DMD: variants seen among roughly 807,000 people sequenced by gnomAD.
The protein encoded by DMD is mutant dystrophin.
Under a neutral mutation model 330.1 loss-of-function variants are expected in DMD, and 63 were observed. That is an observed-to-expected ratio of 0.19 (90% CI 0.16 to 0.24). The LOEUF is 0.24. DMD is among the 10% of genes least tolerant of loss of function. The pLI is 1.00. For missense variants in DMD, 3,344 were observed against 2,684.1 expected, an observed-to-expected ratio of 1.25 and a Z score of -5.43; for synonymous variants, 1,223 against 959.8, an observed-to-expected ratio of 1.27 and a Z score of -5.07.
intron 63 of DMD, among the ~76,000 whole-genome samples, chrX:31,233,344 T>C (rs2047399950): frequency 8.9e-6 from 1 of 111,811 alleles, no homozygotes; most frequent in Non-Finnish European, 1.9e-5. Flanking sequence ...CTTAACAGTC[T>C]CTCTTCATAA....
intron 73 of DMD, 60 bp from the exon 74 acceptor site, chrX:31,169,661 G>C (rs1460544675): frequency 9.9e-7 from 1 of 1,013,613 alleles, no homozygotes; most frequent in Non-Finnish European, 1.4e-6. Context: ...TTGGGGGTTA[G>C]GGACTCAGGA....
intron 62 of DMD, among the ~76,000 whole-genome samples, chrX:31,294,415 C>T (rs764523208): frequency 1.8e-5 from 2 of 112,339 alleles, no homozygotes; most frequent in South Asian, 7.5e-4. Context: ...ATATCCTCTA[C>T]CCGAACATCC....
Position 33,283,539 on chromosome X carries a change from A to C in DMD, c.7+55720T>G, listed in dbSNP as rs753640768. 4.6e-5 allele frequency among the ~76,000 whole-genome samples: 5 copies of C among 109,616 alleles called. No homozygotes were observed. In the South Asian group the frequency reaches 1.2e-3, roughly 26 times the overall value. On this transcript the variant is annotated intron_variant, in intron 1 of 17. Coordinates refer to the DMD transcript ENST00000288447. ...AAATTTGGTCTCAAAGAAAAAAAAA[A>C]AAAAACATCAACTATACCAAGTGAT...
intron 61 of DMD, among the ~76,000 whole-genome samples, chrX:31,342,794 T>G (rs1042545372): frequency 8.0e-5 from 9 of 112,046 alleles, no homozygotes; most frequent in South Asian, 3.7e-4. Flanking sequence ...ATTCTTTTTT[T>G]GAGACAGAGT....
chrX:32,819,982 T>C (rs2078095106), intron 5 of DMD, among the ~76,000 whole-genome samples: 1 of 111,609 alleles, frequency 9.0e-6, no homozygotes, highest in Non-Finnish European at 1.9e-5. Flanking sequence ...ATGAGATAAG[T>C]AAGCAGAGGC....
chrX:31,844,395 T>G (rs2093374776), intron 48 of DMD, among the ~76,000 whole-genome samples: 1 of 110,250 alleles, frequency 9.1e-6, no homozygotes, highest in Non-Finnish European at 1.9e-5. Context: ...GGTCCAAGTT[T>G]CTGTTTTTGT....
chrX:32,453,020 C>A (rs2098340540), intron 26 of DMD, among the ~76,000 whole-genome samples: 1 of 110,986 alleles, frequency 9.0e-6, no homozygotes, highest in Non-Finnish European at 1.9e-5. Context: ...TCTCATATTA[C>A]ATACAATTCT....
At chrX:31,622,158 C>T (rs2078565275) in intron 55 of DMD, among the ~76,000 whole-genome samples, 1 of 111,677 alleles carries the variant, frequency 9.0e-6, no homozygotes, top group East Asian at 2.8e-4. Context: ...TACTGTAATT[C>T]TCATAATGCT....
chrX:32,999,787 C>A (rs78857645), intron 2 of DMD, among the ~76,000 whole-genome samples: 3,759 of 102,065 alleles, frequency 0.037, 130 homozygotes, highest in East Asian at 0.17. Flanking sequence ...AAAACAAAAA[C>A]AAAAACAAAA....
At chrX:31,277,461 TTGA>T in intron 62 of DMD, among the ~76,000 whole-genome samples, 1 of 112,093 alleles carries the variant, frequency 8.9e-6, no homozygotes, top group Non-Finnish European at 1.9e-5. Context: ...ATTTGGATTA[TTGA>T]TAAGGAGGAA....
intron 48 of DMD, among the ~76,000 whole-genome samples, chrX:31,873,248 T>G (rs976130728): frequency 8.9e-6 from 1 of 112,028 alleles, no homozygotes; most frequent in African/African-American, 3.2e-5. Context: ...TACTTGTGAC[T>G]TCCACAGTGC....
chrX:32,335,867 T>C (rs1182824708), intron 41 of DMD, among the ~76,000 whole-genome samples: 1 of 105,616 alleles, frequency 9.5e-6, no homozygotes, highest in Non-Finnish European at 1.9e-5. Flanking sequence ...TTCAACGTTA[T>C]ATGTGTATAA....
At chrX:32,275,145 G>A (rs980328867) in intron 43 of DMD, among the ~76,000 whole-genome samples, 6 of 111,773 alleles carry the variant, frequency 5.4e-5, no homozygotes, top group African/African-American at 2.0e-4. Context: ...CTTGAACAGA[G>A]CAGTGTGAAA....
chrX:32,812,943 A>G (rs1287165295), intron 6 of DMD, among the ~76,000 whole-genome samples: 2 of 111,577 alleles, frequency 1.8e-5, no homozygotes, highest in Admixed American at 9.5e-5. Flanking sequence ...CATAGGTGGG[A>G]ACATATGAGA....
At chrX:33,200,905 C>T (rs1165944204) in intron 1 of DMD, among the ~76,000 whole-genome samples, 4 of 100,186 alleles carry the variant, frequency 4.0e-5, no homozygotes, top group Non-Finnish European at 8.0e-5. Context: ...ACCATGGAAA[C>T]GCACATGATA....
At chrX:31,773,724 C>CTTTTTTTTTTTTTTTT (rs762551529) in intron 51 of DMD, among the ~76,000 whole-genome samples, 1 of 53,544 alleles carries the variant, frequency 1.9e-5, no homozygotes, top group Non-Finnish European at 3.4e-5. Flanking sequence ...AAGGTTTCTG[C>CTTTTTTTTTTTTTTTT]TTTTTTTTTT....
intron 4 of DMD, among the ~76,000 whole-genome samples, chrX:32,836,782 T>C (rs761092453): frequency 5.3e-5 from 6 of 112,435 alleles, no homozygotes; most frequent in Non-Finnish European, 1.1e-4. Context: ...TATTAGTTTC[T>C]ACTGTTATTA....
intron 1 of DMD, among the ~76,000 whole-genome samples, chrX:33,145,661 T>C (rs984993673): frequency 9.7e-6 from 1 of 103,036 alleles, no homozygotes; most frequent in Non-Finnish European, 2.0e-5. Context: ...ATATATACAG[T>C]AATGTCCAGT....
At chrX:32,825,553 T>C (rs775190737) in intron 4 of DMD, among the ~76,000 whole-genome samples, 4 of 112,204 alleles carry the variant, frequency 3.6e-5, no homozygotes, top group South Asian at 3.7e-4. Context: ...AAAACAGAGA[T>C]TAAGATATTG....
Sources: allele counts gnomAD v4.1 joint callset (sites outside exome capture counted in the v4.1 genomes callset), GRCh38; gene constraint gnomAD v4.1.1; transcripts MANE v1.5; gene names NCBI Gene and HGNC (gene_info 2026-07-23, HGNC 2026-07-21).